RARB: variants seen among roughly 807,000 people sequenced by gnomAD.
The protein encoded by RARB is HBV-activated protein.
Under a neutral mutation model 51.9 loss-of-function variants are expected in RARB, and 17 were observed. The ratio of observed to expected loss-of-function variants is 0.33; its 90% CI spans 0.22 to 0.49. RARB has a LOEUF of 0.49. Ranked by LOEUF, RARB falls within the 20% of genes least tolerant of loss-of-function variation. The probability of loss-of-function intolerance (pLI) is 0.99; values close to 1 mark genes in which losing one functional copy is unlikely to be tolerated. For synonymous variants in RARB, 215 were observed against 195.4 expected (o/e 1.10, Z -0.84); for missense variants, 369 against 550.8 (o/e 0.67, Z 3.30).
chr3:25,057,433 G>A (rs79590416), intron 2 of RARB, among the ~76,000 whole-genome samples: 2,664 of 152,122 alleles, frequency 0.018, 74 homozygotes, highest in African/African-American at 0.06. Flanking sequence ...TGTCCTTGAG[G>A]CTGAATTTTA....
chr3:25,432,872 A>G (rs570315085), intron 1 of RARB, among the ~76,000 whole-genome samples: 1 of 152,196 alleles, frequency 6.6e-6, no homozygotes, highest in Admixed American at 6.5e-5. Context: ...ATGGAGATGT[A>G]AAAACCAAGA....
rs1238502169 is a variant in RARB, at chr3:25,114,227, T to C, written c.-327-17934T>C. Among the ~76,000 whole-genome samples, 3 of 152,170 alleles carry C rather than the reference T, an allele frequency of 2.0e-5. No homozygotes were observed. The East Asian group carries it at 5.8e-4, about 29-fold the overall frequency. On this transcript the variant is annotated intron_variant, in intron 3 of 11. Coordinates refer to the RARB transcript ENST00000383772. ...GGTAGCTTGGAGCAATGGAAAGTAT[T>C]ACCATTCAGGAAACTCTTGCCTCCT... is the stretch of plus-strand genomic sequence containing the variant.
intron 1 of RARB, among the ~76,000 whole-genome samples, chr3:24,831,273 G>T (rs1282593306): frequency 6.6e-6 from 1 of 152,144 alleles, no homozygotes; most frequent in Non-Finnish European, 1.5e-5. Context: ...AGAAAATGAA[G>T]GCTTTACAAG....
chr3:24,872,949 G>A (rs926571692), intron 2 of RARB, among the ~76,000 whole-genome samples: 3 of 152,144 alleles, frequency 2.0e-5, no homozygotes, highest in African/African-American at 7.2e-5. Context: ...CCTGTATCAG[G>A]AATCAGCAAA....
chr3:25,031,526 G>T (rs912456438), intron 2 of RARB, among the ~76,000 whole-genome samples: 20 of 152,242 alleles, frequency 1.3e-4, no homozygotes, highest in Middle Eastern at 3.4e-3. Flanking sequence ...GGTGGGTGGT[G>T]GGTAGGAAGA....
intron 2 of RARB, among the ~76,000 whole-genome samples, chr3:24,859,997 G>T (rs1575039578): frequency 6.6e-6 from 1 of 152,154 alleles, no homozygotes; most frequent in Non-Finnish European, 1.5e-5. Context: ...GGATGGATTT[G>T]GTCTACAGTT....
At chr3:25,461,463 TCA>T (rs1695176832) in intron 2 of RARB, 122 bp downstream of exon 2, 1 of 1,116,956 alleles carries the variant, frequency 9.0e-7, no homozygotes, top group African/African-American at 1.6e-5. Flanking sequence ...TGTGGTGAAT[TCA>T]GTTATATTCA....
At chr3:25,184,431 C>G (rs1210994821) in intron 5 of RARB, among the ~76,000 whole-genome samples, 1 of 152,056 alleles carries the variant, frequency 6.6e-6, no homozygotes. Flanking sequence ...CTGCCCCTAA[C>G]CTCTGGGAGC....
chr3:25,076,241 C>T (rs1163320480), intron 3 of RARB, among the ~76,000 whole-genome samples: 1 of 151,726 alleles, frequency 6.6e-6, no homozygotes, highest in Non-Finnish European at 1.5e-5. Context: ...CCCGGGTTCA[C>T]GCCATTCTCT....
chr3:24,938,948 T>C (rs1695600439), intron 2 of RARB, among the ~76,000 whole-genome samples: 1 of 151,620 alleles, frequency 6.6e-6, no homozygotes. Flanking sequence ...TTATCACATT[T>C]TGTTCATTTG....
At chr3:25,171,382 C>T (rs539172776) in intron 4 of RARB, among the ~76,000 whole-genome samples, 3 of 149,668 alleles carry the variant, frequency 2.0e-5, no homozygotes, top group East Asian at 2.0e-4. Flanking sequence ...AACATAGACC[C>T]AGTGACTGCT....
chr3:25,535,922 A>G (rs1184999329), intron 3 of RARB, among the ~76,000 whole-genome samples: 1 of 152,160 alleles, frequency 6.6e-6, no homozygotes, highest in African/African-American at 2.4e-5. Context: ...TCAACTTGCA[A>G]TGGGCTTATT....
intron 5 of RARB, among the ~76,000 whole-genome samples, chr3:25,415,963 T>A (rs2125503504): frequency 6.6e-6 from 1 of 152,246 alleles, no homozygotes; most frequent in South Asian, 2.1e-4. Context: ...GGGTTATAAA[T>A]AAAAAATGCA....
At chr3:25,409,222 C>T (rs1054926393) in intron 5 of RARB, among the ~76,000 whole-genome samples, 16 of 152,154 alleles carry the variant, frequency 1.1e-4, no homozygotes, top group South Asian at 4.1e-4. Context: ...TAATATCTTT[C>T]ACTGACATAA....
At chr3:24,980,481 T>C (rs566551262) in intron 2 of RARB, among the ~76,000 whole-genome samples, 2 of 152,318 alleles carry the variant, frequency 1.3e-5, no homozygotes, top group African/African-American at 4.8e-5. Context: ...CTTCTTTCTC[T>C]AATCTTGTCT....
intron 5 of RARB, among the ~76,000 whole-genome samples, chr3:25,338,764 C>T (rs1034404368): frequency 2.1e-4 from 32 of 152,182 alleles, no homozygotes; most frequent in African/African-American, 7.7e-4. Context: ...TCAGTTTGCA[C>T]TAATACAACT....
chr3:25,403,838 GAA>G (rs35830598), intron 5 of RARB, among the ~76,000 whole-genome samples: 1 of 68,294 alleles, frequency 1.5e-5, no homozygotes, highest in African/African-American at 4.6e-5. Flanking sequence ...ATCTTCATTA[GAA>G]AAAAAAAAAA....
At chr3:25,047,374 T>C (rs1003250170) in intron 2 of RARB, among the ~76,000 whole-genome samples, 6 of 151,028 alleles carry the variant, frequency 4.0e-5, no homozygotes, top group Admixed American at 2.6e-4. Flanking sequence ...CAGGTACTTA[T>C]GTAATTAGGT....
chr3:25,010,910 A>G (rs1157124363), intron 2 of RARB, among the ~76,000 whole-genome samples: 1 of 152,068 alleles, frequency 6.6e-6, no homozygotes, highest in Non-Finnish European at 1.5e-5. Flanking sequence ...CTGCCACTCC[A>G]GATTTTTCCT....
Sources: allele counts gnomAD v4.1 joint callset (sites outside exome capture counted in the v4.1 genomes callset), GRCh38; gene constraint gnomAD v4.1.1; transcripts MANE v1.5; gene names NCBI Gene and HGNC (gene_info 2026-07-23, HGNC 2026-07-21).